TERF1: variants seen among roughly 807,000 people sequenced by gnomAD.
TERF1 encodes the protein telomeric repeat binding factor 1, also known as telomeric repeat-binding factor 1.
A neutral mutation model predicts 55.1 loss-of-function variants in TERF1; 20 were observed. The ratio of observed to expected loss-of-function variants is 0.36; its 90% CI spans 0.26 to 0.53. The LOEUF (loss-of-function observed/expected upper bound fraction) is 0.53. Among genes scored for constraint, TERF1 ranks in the 20% least tolerant of loss-of-function variants. The probability of loss-of-function intolerance (pLI) is 0.91; values close to 1 mark genes in which losing one functional copy is unlikely to be tolerated. For missense variants in TERF1, 439 were observed against 535.7 expected (o/e 0.82, Z 1.78); for synonymous variants, 168 against 181.2 (o/e 0.93, Z 0.59).
At chr8:73,027,118 T>C in intron 6 of TERF1, 66 bp downstream of exon 6, 1 of 1,092,460 alleles carries the variant, frequency 9.2e-7, no homozygotes, top group Non-Finnish European at 1.3e-6. Context: ...GTAAAATTGA[T>C]ATGTCTTTTT....
chr8:73,047,552 T>C lies in TERF1; in HGVS notation c.*1415T>C, dbSNP rs1293012790. 6.6e-6 allele frequency: 1 copy of C among 152,246 alleles called. No individual in the cohort carries two copies. 9.4% of individuals were successfully genotyped at this position (152,246 alleles called of 1,614,324 possible). On this transcript the variant is annotated 3_prime_UTR_variant, in exon 10 of 10. Transcript: ENST00000276603. ...CTTTAAAAGATTTAGACTAACAGAA[T>C]TATTTAGCATTTCGAGTCATGTGCT...
intron 2 of TERF1, 36 bp from the exon 3 acceptor site, chr8:73,020,648 T>A: frequency 6.4e-7 from 1 of 1,565,784 alleles, no homozygotes; most frequent in African/African-American, 1.4e-5. Context: ...TCTACTTAGC[T>A]TTCTGAGTTA....
chr8:73,031,884 C>T (rs932933205), intron 7 of TERF1, 158 bp from the exon 8 acceptor site: 1 of 428,418 alleles, frequency 2.3e-6, no homozygotes, highest in African/African-American at 2.0e-5. Context: ...TAAGAGGCCA[C>T]AGGTTAAGAT....
intron 1 of TERF1, chr8:73,009,632 G>C (rs923666318): frequency 6.2e-6 from 1 of 160,266 alleles, no homozygotes; most frequent in Admixed American, 6.3e-5. Context: ...TGGCCTGCTG[G>C]CTCTACAGCA....
chr8:73,029,887 A>G, intron 6 of TERF1: 1 of 152,594 alleles, frequency 6.6e-6, no homozygotes, highest in South Asian at 2.1e-4. Flanking sequence ...CATTTTAACT[A>G]TAACAAACGG....
At chr8:73,020,928 T>C (rs1808722959) in intron 3 of TERF1, 123 bp downstream of exon 3, 6 of 706,160 alleles carry the variant, frequency 8.5e-6, no homozygotes, top group Non-Finnish European at 1.4e-5. Flanking sequence ...CTTCAGAAAT[T>C]TGACCTTTGG....
intron 4 of TERF1, among the ~76,000 whole-genome samples, chr8:73,023,193 A>G (rs1463121533): frequency 2.6e-5 from 4 of 152,232 alleles, no homozygotes; most frequent in Non-Finnish European, 5.9e-5. Flanking sequence ...TAAGATGTGT[A>G]CATACTCAGT....
intron 8 of TERF1, among the ~76,000 whole-genome samples, chr8:73,033,949 C>A (rs919081821): frequency 2.0e-4 from 31 of 152,018 alleles, no homozygotes; most frequent in African/African-American, 7.5e-4. Context: ...TTTTTCTCTT[C>A]TTTTTCTGTT....
chr8:73,028,369 C>T (rs1809112578), intron 6 of TERF1, among the ~76,000 whole-genome samples: 1 of 152,112 alleles, frequency 6.6e-6, no homozygotes, highest in Non-Finnish European at 1.5e-5. Context: ...TTAGGAACCG[C>T]ACCTCAGAAA....
intron 5 of TERF1, among the ~76,000 whole-genome samples, chr8:73,025,787 C>T (rs986060482): frequency 1.4e-5 from 2 of 138,256 alleles, no homozygotes; most frequent in African/African-American, 5.5e-5. Context: ...AAAAGCTGGG[C>T]ATGGTGGCAT....
chr8:73,035,541 A>G (rs1563469967), intron 8 of TERF1, among the ~76,000 whole-genome samples: 1 of 152,106 alleles, frequency 6.6e-6, no homozygotes. Context: ...TAAAATGTCA[A>G]TTAGGTCAAG....
At chr8:73,033,995 G>T (rs1461087790) in intron 8 of TERF1, among the ~76,000 whole-genome samples, 1 of 152,092 alleles carries the variant, frequency 6.6e-6, no homozygotes, top group Non-Finnish European at 1.5e-5. Flanking sequence ...GCCCAGGCTG[G>T]AATGCAGTGC....
Position 73,046,446 on chromosome 8 carries a change from C to A in TERF1, c.*309C>A. On this transcript the variant is annotated 3_prime_UTR_variant, in exon 10 of 10. Coordinates refer to ENST00000276603, the MANE Select transcript of TERF1 (RefSeq NM_017489.3). ...CGAAAAAAAAAAAATTCCAGTTAAC[C>A]TATTTTGTGTCTGTAGGCTGACCTC... The A allele has an allele frequency of 5.7e-6, 1 of 176,860 alleles. No homozygotes were observed. 11.0% of individuals were successfully genotyped at this position (176,860 alleles called of 1,614,324 possible).
Position 73,009,113 on chromosome 8 carries a change from G to T in TERF1, c.227G>T (p.Gly76Val). The T allele has an allele frequency of 1.2e-6, 2 of 1,610,628 alleles. No individual in the cohort carries two copies. The highest frequency in any genetic ancestry group is 1.7e-6 in the Non-Finnish European group (2 of 1,179,476). Reference protein sequence around the residue: ...LVAEAEAVAAGWMLDFLCLSL... With the variant: ...LVAEAEAVAAVWMLDFLCLSL... Reference sequence around the variant, plus strand: ...GCCGAGGCCGAGGCCGTGGCTGCCGGCTGGATGCTCGATTTCCTCTGCCTC... The same window carrying T: ...GCCGAGGCCGAGGCCGTGGCTGCCGTCTGGATGCTCGATTTCCTCTGCCTC... Residue 76 changes from glycine to valine, a missense_variant, in exon 1 of 10, where the codon GGC becomes GTC. Gly to Val is a moderately radical substitution (Grantham distance 109). This residue lies in a region of TERF1 where 179 missense variants were observed against 152.6 expected (regional missense o/e 1.17). Coordinates refer to ENST00000276603, the MANE Select transcript of TERF1 (RefSeq NM_017489.3).
intron 1 of TERF1, chr8:73,010,125 A>G (rs1808227299): frequency 6.6e-6 from 1 of 152,330 alleles, no homozygotes; most frequent in Non-Finnish European, 1.5e-5. Flanking sequence ...TGGCGCTAAA[A>G]TTACTGTGCA....
intron 9 of TERF1, among the ~76,000 whole-genome samples, chr8:73,042,103 C>T (rs1809855235): frequency 6.6e-6 from 1 of 152,046 alleles, no homozygotes; most frequent in South Asian, 2.1e-4. Flanking sequence ...CTTTTTTCTT[C>T]TGGGGACTGT....
chr8:73,031,545 AGT>A (rs1809285170), intron 7 of TERF1: 1 of 152,256 alleles, frequency 6.6e-6, no homozygotes, highest in Admixed American at 6.5e-5. Context: ...AATTTGGCAG[AGT>A]TTTCAAAAAA....
chr8:73,029,218 A>G (rs1411550798), intron 6 of TERF1, among the ~76,000 whole-genome samples: 1 of 152,218 alleles, frequency 6.6e-6, no homozygotes, highest in Admixed American at 6.5e-5. Context: ...TGAAATAAAT[A>G]TTTTGCTCTG....
At chr8:73,025,096 T>C (rs1338163587) in intron 5 of TERF1, 125 bp downstream of exon 5, 1 of 558,932 alleles carries the variant, frequency 1.8e-6, no homozygotes, top group Non-Finnish European at 2.8e-6. Context: ...TGTAGAAAGG[T>C]GTGGTAAAAT....
Sources: gnomAD v4.1 joint callset for allele counts (sites outside exome capture counted in the v4.1 genomes callset) on GRCh38, gnomAD v4.1.1 for gene constraint, gnomAD v4.1.1 regional missense constraint, MANE v1.5 for transcripts, NCBI Gene and HGNC (gene_info 2026-07-23, HGNC 2026-07-21) for gene names.